Variants in GRM8 observed in about 807,000 individuals in gnomAD.
The protein encoded by GRM8 is glutamate metabotropic receptor 8, also known as metabotropic glutamate receptor 8.
Under a neutral mutation model 87.2 loss-of-function variants are expected in GRM8, and 47 were observed. The ratio of observed to expected loss-of-function variants is 0.54; its 90% CI spans 0.43 to 0.69. The LOEUF (loss-of-function observed/expected upper bound fraction) is 0.69. Ranked by LOEUF, GRM8 falls within the 30% of genes least tolerant of loss-of-function variation. The probability of loss-of-function intolerance (pLI) is 0.00; values close to 1 mark genes in which losing one functional copy is unlikely to be tolerated. For synonymous variants in GRM8, 396 were observed against 404.5 expected, an observed-to-expected ratio of 0.98 and a Z score of 0.25; for missense variants, 1,019 against 1,139.2, an observed-to-expected ratio of 0.89 and a Z score of 1.52.
chr7:126,720,437 G>A (rs1327628332), intron 7 of GRM8, among the ~76,000 whole-genome samples: 1 of 152,070 alleles, frequency 6.6e-6, no homozygotes, highest in African/African-American at 2.4e-5. Context: ...ACCACAAGTT[G>A]CCTCTTAAAT....
At chr7:127,095,877 T>C (rs938723738) in intron 3 of GRM8, 6 of 152,324 alleles carry the variant, frequency 3.9e-5, no homozygotes, top group Admixed American at 2.6e-4. Flanking sequence ...GCAAAGACCA[T>C]GATTTGTCTC....
intron 2 of GRM8, among the ~76,000 whole-genome samples, chr7:127,174,812 A>T (rs1183511505): frequency 2.6e-5 from 4 of 152,200 alleles, no homozygotes; most frequent in Non-Finnish European, 5.9e-5. Context: ...CTTACCAGTA[A>T]TCACAGTTCT....
chr7:127,073,703 C>T (rs558026726), intron 3 of GRM8, among the ~76,000 whole-genome samples: 1 of 152,276 alleles, frequency 6.6e-6, no homozygotes, highest in South Asian at 2.1e-4. Context: ...AGGAGCCACT[C>T]AGGTTCTCAC....
chr7:126,755,743 A>G (rs1467374962), intron 7 of GRM8, among the ~76,000 whole-genome samples: 1 of 125,052 alleles, frequency 8.0e-6, no homozygotes, highest in Non-Finnish European at 1.9e-5. Context: ...GGAGAGTATG[A>G]TTTTCTTCTT....
At chr7:127,013,665 T>A (rs1053952778) in intron 3 of GRM8, among the ~76,000 whole-genome samples, 1 of 152,132 alleles carries the variant, frequency 6.6e-6, no homozygotes, top group African/African-American at 2.4e-5. Flanking sequence ...CTGACAATAT[T>A]CCTGAACATT....
chr7:126,635,238 G>GTA (rs139916797), intron 7 of GRM8, among the ~76,000 whole-genome samples: 103,728 of 151,786 alleles, frequency 0.68, 36,001 homozygotes, highest in Non-Finnish European at 0.73. Context: ...TTGATCAAGA[G>GTA]TATAAAAAAT....
chr7:126,761,056 G>A (rs558095098), intron 7 of GRM8, among the ~76,000 whole-genome samples: 2 of 152,146 alleles, frequency 1.3e-5, no homozygotes, highest in South Asian at 2.1e-4. Flanking sequence ...AAAATTAGCC[G>A]GCTTGGCGGC....
intron 6 of GRM8, among the ~76,000 whole-genome samples, chr7:126,806,662 T>C (rs917333854): frequency 3.9e-5 from 6 of 152,186 alleles, no homozygotes; most frequent in African/African-American, 1.4e-4. Context: ...TCCCCACCCA[T>C]CCCAGAAACC....
chr7:127,093,527 C>G (rs1246492958), intron 3 of GRM8, among the ~76,000 whole-genome samples: 2 of 152,182 alleles, frequency 1.3e-5, no homozygotes, highest in Non-Finnish European at 2.9e-5. Flanking sequence ...TATGCACATG[C>G]CAGCCATGAT....
At chr7:127,176,420 T>C (rs1794110941) in intron 2 of GRM8, among the ~76,000 whole-genome samples, 2 of 152,244 alleles carry the variant, frequency 1.3e-5, no homozygotes, top group African/African-American at 4.8e-5. Context: ...AAGGTCCAAA[T>C]ATATGTTGCC....
chr7:127,222,700 C>A (rs1797014724), intron 2 of GRM8, among the ~76,000 whole-genome samples: 1 of 152,106 alleles, frequency 6.6e-6, no homozygotes, highest in Admixed American at 6.5e-5. Flanking sequence ...ATGTATAGTG[C>A]CCAATATGTT....
At chr7:127,223,124 A>G (rs1276623914) in intron 2 of GRM8, among the ~76,000 whole-genome samples, 3 of 152,144 alleles carry the variant, frequency 2.0e-5, no homozygotes, top group Non-Finnish European at 4.4e-5. Context: ...AAAACTGAGC[A>G]TTAGATCTAA....
intron 7 of GRM8, among the ~76,000 whole-genome samples, chr7:126,700,128 A>G (rs1352721489): frequency 6.6e-6 from 1 of 152,196 alleles, no homozygotes; most frequent in Non-Finnish European, 1.5e-5. Context: ...AAGTTTCTCC[A>G]TTCAATTTCA....
chr7:126,965,802 C>T (rs1187324188), intron 3 of GRM8, among the ~76,000 whole-genome samples: 1 of 152,112 alleles, frequency 6.6e-6, no homozygotes, highest in African/African-American at 2.4e-5. Flanking sequence ...TCACTTGGCA[C>T]ACTGTGGACA....
intron 9 of GRM8, among the ~76,000 whole-genome samples, chr7:126,528,250 C>G (rs1362656930): frequency 6.6e-6 from 1 of 152,106 alleles, no homozygotes; most frequent in East Asian, 1.9e-4. Flanking sequence ...TAAGAAAACA[C>G]TTTCAGTTGG....
At chr7:126,794,160 AAAAAT>A (rs887115077) in intron 6 of GRM8, among the ~76,000 whole-genome samples, 100 of 152,252 alleles carry the variant, frequency 6.6e-4, no homozygotes, top group African/African-American at 2.0e-3. Context: ...AAACCACATA[AAAAAT>A]AAAATAAAAA....
chr7:126,511,770 C>G (rs1225720003), intron 9 of GRM8: 1 of 152,054 alleles, frequency 6.6e-6, no homozygotes, highest in Non-Finnish European at 1.5e-5. Flanking sequence ...TGGTAAAACT[C>G]TAAGTGTTAA....
chr7:126,931,090 G>A (rs1262653271), intron 3 of GRM8, among the ~76,000 whole-genome samples: 1 of 152,154 alleles, frequency 6.6e-6, no homozygotes, highest in Non-Finnish European at 1.5e-5. Context: ...GTAAAATTTA[G>A]AATATCCAAG....
chr7:127,243,552 G>T, intron 1 of GRM8, 37 bp from the exon 2 acceptor site: 3 of 225,092 alleles, frequency 1.3e-5, no homozygotes, highest in Non-Finnish European at 1.7e-5. Context: ...CAGTTCAGTG[G>T]GTCTACATGT....
Sources: gnomAD v4.1 joint callset for allele counts (sites outside exome capture counted in the v4.1 genomes callset) on GRCh38, gnomAD v4.1.1 for gene constraint, MANE v1.5 for transcripts, NCBI Gene and HGNC (gene_info 2026-07-23, HGNC 2026-07-21) for gene names.